IL1RAPL1: variants seen among roughly 807,000 people sequenced by gnomAD.
The protein encoded by IL1RAPL1 is interleukin-1 receptor accessory protein-like 1.
A neutral mutation model predicts 48.4 loss-of-function variants in IL1RAPL1; 3 were observed. The observed-to-expected ratio is 0.06, with a 90% CI of 0.03 to 0.16. The LOEUF is 0.16. Among genes scored for constraint, IL1RAPL1 ranks in the 10% least tolerant of loss-of-function variants. The probability of loss-of-function intolerance (pLI) is 1.00; values close to 1 mark genes in which losing one functional copy is unlikely to be tolerated. For synonymous variants in IL1RAPL1, 185 were observed against 187.7 expected, an observed-to-expected ratio of 0.99 and a Z score of 0.12; for missense variants, 349 against 530.6, an observed-to-expected ratio of 0.66 and a Z score of 3.36.
intron 5 of IL1RAPL1, among the ~76,000 whole-genome samples, chrX:29,521,573 A>G (rs1602276791): frequency 8.9e-6 from 1 of 112,787 alleles, no homozygotes; most frequent in Admixed American, 9.4e-5. Context: ...TTGCACTTCC[A>G]GAATCCTGCT....
intron 5 of IL1RAPL1, among the ~76,000 whole-genome samples, chrX:29,455,463 G>A (rs925921616): frequency 1.8e-5 from 2 of 111,829 alleles, no homozygotes; most frequent in African/African-American, 6.5e-5. Flanking sequence ...ATAAAAGCAA[G>A]AGAAGTAGAG....
intron 2 of IL1RAPL1, among the ~76,000 whole-genome samples, chrX:29,255,142 C>CGT (rs200536177): frequency 0.047 from 2,904 of 62,383 alleles, 65 homozygotes; most frequent in African/African-American, 0.074. Context: ...TGTGTGTGTG[C>CGT]GTGTGTGTGT....
intron 5 of IL1RAPL1, among the ~76,000 whole-genome samples, chrX:29,441,202 A>T (rs182762423): frequency 9.0e-6 from 1 of 111,347 alleles, no homozygotes; most frequent in East Asian, 2.8e-4. Context: ...TTACCCTAAC[A>T]TCTCCCCTCC....
At chrX:29,889,683 C>A (rs1569195304) in intron 6 of IL1RAPL1, among the ~76,000 whole-genome samples, 1 of 111,279 alleles carries the variant, frequency 9.0e-6, no homozygotes, top group Non-Finnish European at 1.9e-5. Flanking sequence ...TGTACATATG[C>A]ATATGTTTGT....
intron 5 of IL1RAPL1, among the ~76,000 whole-genome samples, chrX:29,415,324 T>C (rs1934199742): frequency 8.9e-6 from 1 of 112,245 alleles, no homozygotes. Flanking sequence ...ATGATGCCTA[T>C]ATCTACATGC....
At chrX:29,081,854 G>T (rs1927850996) in intron 2 of IL1RAPL1, among the ~76,000 whole-genome samples, 1 of 110,244 alleles carries the variant, frequency 9.1e-6, no homozygotes, top group Admixed American at 9.9e-5. Context: ...AGTGGATCTA[G>T]TGTGACATTG....
chrX:29,455,800 AATTTTCC>A (rs1160563195), intron 5 of IL1RAPL1, among the ~76,000 whole-genome samples: 1 of 111,670 alleles, frequency 9.0e-6, no homozygotes, highest in Non-Finnish European at 1.9e-5. Flanking sequence ...TTTTTCATTT[AATTTTCC>A]ATTTAAAAGT....
intron 6 of IL1RAPL1, among the ~76,000 whole-genome samples, chrX:29,674,963 TCTG>T (rs1926236645): frequency 8.9e-6 from 1 of 112,511 alleles, no homozygotes; most frequent in Non-Finnish European, 1.9e-5. Context: ...AAAAATCGAA[TCTG>T]CTATTGATGG....
intron 3 of IL1RAPL1, among the ~76,000 whole-genome samples, chrX:29,386,903 T>G (rs1933785324): frequency 8.9e-6 from 1 of 112,181 alleles, no homozygotes; most frequent in Non-Finnish European, 1.9e-5. Context: ...ATAAATAATA[T>G]CATATATTTA....
At chrX:28,649,920 C>A (rs998148630) in intron 1 of IL1RAPL1, among the ~76,000 whole-genome samples, 2 of 111,874 alleles carry the variant, frequency 1.8e-5, no homozygotes, top group African/African-American at 6.5e-5. Context: ...ATCTTAACCA[C>A]AAGTTTCCCA....
At chrX:29,880,630 G>A (rs1354499693) in intron 6 of IL1RAPL1, among the ~76,000 whole-genome samples, 2 of 111,890 alleles carry the variant, frequency 1.8e-5, no homozygotes, top group African/African-American at 6.5e-5. Context: ...GGTAAAATCA[G>A]TTGACTTAGC....
At chrX:28,636,582 C>A (rs1934467999) in intron 1 of IL1RAPL1, among the ~76,000 whole-genome samples, 1 of 111,447 alleles carries the variant, frequency 9.0e-6, no homozygotes, top group Non-Finnish European at 1.9e-5. Context: ...GCAATGATTC[C>A]ATCAGGGACT....
intron 6 of IL1RAPL1, among the ~76,000 whole-genome samples, chrX:29,855,069 G>A (rs1248036337): frequency 8.9e-6 from 1 of 112,059 alleles, no homozygotes; most frequent in Middle Eastern, 4.6e-3. Flanking sequence ...CCTTCACCAT[G>A]CCCAGTGAAG....
chrX:28,886,011 T>C (rs1034661196), intron 2 of IL1RAPL1, among the ~76,000 whole-genome samples: 1 of 110,916 alleles, frequency 9.0e-6, no homozygotes, highest in African/African-American at 3.3e-5. Flanking sequence ...AATTTGCCAC[T>C]TTATAACTTT....
chrX:29,530,713 A>G (rs1935603783), intron 5 of IL1RAPL1, among the ~76,000 whole-genome samples: 1 of 112,105 alleles, frequency 8.9e-6, no homozygotes, highest in Admixed American at 9.5e-5. Context: ...GTCTCACAGA[A>G]TCTGCTGCTT....
intron 6 of IL1RAPL1, among the ~76,000 whole-genome samples, chrX:29,818,276 G>A (rs955369352): frequency 6.2e-5 from 7 of 112,550 alleles, no homozygotes; most frequent in Middle Eastern, 4.6e-3. Context: ...CACTGGCTGT[G>A]ACCAGCATGG....
chrX:29,405,418 G>C lies in IL1RAPL1; in HGVS notation c.703+6110G>C, dbSNP rs770072349. On this transcript the variant is annotated intron_variant, in intron 5 of 10. Coordinates refer to ENST00000378993, the MANE Select transcript of IL1RAPL1 (RefSeq NM_014271.4). Reference sequence around the variant, plus strand: ...GTCTCGCTCTGTCGCCCAGGCTGGAGTGCAGTGGCGGGATCTCGGCTCACT... The same window carrying C: ...GTCTCGCTCTGTCGCCCAGGCTGGACTGCAGTGGCGGGATCTCGGCTCACT... Among the ~76,000 whole-genome samples, 4 of 97,122 alleles carry C rather than the reference G, an allele frequency of 4.1e-5. No homozygotes were observed. The East Asian group carries it at 1.2e-3, about 29-fold the overall frequency. The allele number at this position is 97,122 out of a possible 115,157, so 84.3% of individuals were successfully genotyped here. A position where few individuals can be genotyped will look rare whatever the true frequency, so the allele number is the denominator to read the frequency against.
chrX:29,573,904 A>T (rs777132138), intron 5 of IL1RAPL1, among the ~76,000 whole-genome samples: 5 of 111,629 alleles, frequency 4.5e-5, no homozygotes, highest in Non-Finnish European at 9.4e-5. Flanking sequence ...AAGAACCATA[A>T]ATACTTGAGA....
chrX:29,384,219 G>A (rs1226893400), intron 3 of IL1RAPL1, among the ~76,000 whole-genome samples: 1 of 111,440 alleles, frequency 9.0e-6, no homozygotes, highest in Non-Finnish European at 1.9e-5. Flanking sequence ...GAGCTGAAAT[G>A]ACCCAGAGGT....
Sources: gnomAD v4.1 joint callset for allele counts (sites outside exome capture counted in the v4.1 genomes callset) on GRCh38, gnomAD v4.1.1 for gene constraint, MANE v1.5 for transcripts, NCBI Gene and HGNC (gene_info 2026-07-23, HGNC 2026-07-21) for gene names.